Variants in SH3RF3 observed in about 807,000 individuals in gnomAD.
The protein encoded by SH3RF3 is SH3 domain containing ring finger 3, also known as E3 ubiquitin-protein ligase SH3RF3.
Under a neutral mutation model 66.3 loss-of-function variants are expected in SH3RF3, and 29 were observed. The ratio of observed to expected loss-of-function variants is 0.44; its 90% confidence interval spans 0.33 to 0.60. SH3RF3 has a LOEUF of 0.60. SH3RF3 is among the 20% of genes least tolerant of loss of function. SH3RF3 has a pLI of 0.04. For missense variants in SH3RF3, 1,194 were observed against 1,190.9 expected (o/e 1.00, Z -0.04); for synonymous variants, 583 against 532.0 (o/e 1.10, Z -1.32).
At chr2:109,401,605 C>T (rs1471677654) in intron 4 of SH3RF3, among the ~76,000 whole-genome samples, 1 of 152,216 alleles carries the variant, frequency 6.6e-6, no homozygotes, top group Non-Finnish European at 1.5e-5. Flanking sequence ...AAGGAGCCCA[C>T]AGGGCCCATG....
intron 1 of SH3RF3, among the ~76,000 whole-genome samples, chr2:109,287,710 C>G (rs1681062106): frequency 6.6e-6 from 1 of 152,200 alleles, no homozygotes; most frequent in Admixed American, 6.5e-5. Context: ...CAGATCTCAT[C>G]AGAGGCCCTC....
intron 1 of SH3RF3, among the ~76,000 whole-genome samples, chr2:109,142,713 G>A (rs1676987273): frequency 6.6e-6 from 1 of 152,164 alleles, no homozygotes; most frequent in Non-Finnish European, 1.5e-5. Flanking sequence ...TGTCGGGCCT[G>A]GGTTTATTTT....
At chr2:109,264,510 A>G (rs947800328) in intron 1 of SH3RF3, among the ~76,000 whole-genome samples, 3 of 152,392 alleles carry the variant, frequency 2.0e-5, no homozygotes, top group African/African-American at 7.2e-5. Context: ...TGCTCGATAG[A>G]TAGAAGATGG....
intron 1 of SH3RF3, among the ~76,000 whole-genome samples, chr2:109,315,974 T>C (rs1681869710): frequency 6.6e-6 from 1 of 152,202 alleles, no homozygotes; most frequent in Non-Finnish European, 1.5e-5. Flanking sequence ...AGAAGTCTTT[T>C]TGGTCTGACT....
chr2:109,190,348 A>G (rs1454678827), intron 1 of SH3RF3, among the ~76,000 whole-genome samples: 1 of 152,100 alleles, frequency 6.6e-6, no homozygotes. Context: ...TAATTTTTGT[A>G]CTTGTAGTAG....
At chr2:109,367,675 ACAATACTGTAATTTATTTAAC>A (rs956086875) in intron 2 of SH3RF3, among the ~76,000 whole-genome samples, 1 of 152,178 alleles carries the variant, frequency 6.6e-6, no homozygotes, top group African/African-American at 2.4e-5. Context: ...CATTGAATGC[ACAATACTGTAATTTATTTAAC>A]CAGTCCCCTT....
rs62152237 is a variant in SH3RF3, at chr2:109,342,984, C to T, written c.574-4690C>T. On this transcript the variant is annotated intron_variant, in intron 1 of 9. Transcript: ENST00000309415. ...TTAATGTCTTGAGCCCAAATAATGG[C>T]GGCTTAGTGACAATGTTTGAATGGA... Among the ~76,000 whole-genome samples the T allele has an allele frequency of 3.9e-3, 591 of 152,168 alleles. 1 individual carries two copies. Among genetic ancestry groups the T allele is most frequent in the Non-Finnish European group, 6.4e-3 (438 of 68,026 alleles).
intron 2 of SH3RF3, among the ~76,000 whole-genome samples, chr2:109,352,240 T>C: frequency 6.6e-6 from 1 of 152,228 alleles, no homozygotes. Flanking sequence ...AAAGTTGCAC[T>C]TCCGTCAGAT....
intron 1 of SH3RF3, among the ~76,000 whole-genome samples, chr2:109,157,782 A>G (rs1052813289): frequency 6.6e-6 from 1 of 152,178 alleles, no homozygotes; most frequent in Admixed American, 6.5e-5. Flanking sequence ...CTCATCATCC[A>G]GAGGGTAAAA....
intron 1 of SH3RF3, among the ~76,000 whole-genome samples, chr2:109,262,411 T>C (rs1680378499): frequency 6.6e-6 from 1 of 152,192 alleles, no homozygotes. Context: ...CAAACTCTGC[T>C]TTCGATGCCC....
chr2:109,398,960 C>T lies in SH3RF3; in HGVS notation c.1299+17C>T, dbSNP rs1481438514. Reference sequence around the variant, plus strand: ...CCCACCCAGGTAACATCCCGCGGGCCAGGGCAGGCATCCCTGGGTTCTCTG... The same window carrying T: ...CCCACCCAGGTAACATCCCGCGGGCTAGGGCAGGCATCCCTGGGTTCTCTG... On this transcript the variant is annotated intron_variant, in intron 4 of 9. Transcript: ENST00000309415. 1 of 1,598,916 alleles carries T rather than the reference C, an allele frequency of 6.3e-7. No individual in the cohort carries two copies. The highest frequency in any genetic ancestry group is 8.5e-7 in the Non-Finnish European group (1 of 1,174,062).
At chr2:109,188,010 C>G (rs1465831740) in intron 1 of SH3RF3, among the ~76,000 whole-genome samples, 1 of 152,188 alleles carries the variant, frequency 6.6e-6, no homozygotes, top group Non-Finnish European at 1.5e-5. Flanking sequence ...TGCCTCTGCT[C>G]CATCTCACCT....
intron 1 of SH3RF3, among the ~76,000 whole-genome samples, chr2:109,315,261 G>C (rs1266723010): frequency 1.3e-5 from 2 of 152,192 alleles, no homozygotes; most frequent in East Asian, 1.9e-4. Context: ...GCAGAAAGAC[G>C]TGCCCACTGG....
intron 1 of SH3RF3, among the ~76,000 whole-genome samples, chr2:109,174,597 G>A (rs961029083): frequency 2.6e-5 from 4 of 152,218 alleles, no homozygotes; most frequent in African/African-American, 7.2e-5. Context: ...TATGGTGTTC[G>A]TATCTAGGTG....
chr2:109,134,131 T>C (rs565420233), intron 1 of SH3RF3, among the ~76,000 whole-genome samples: 7 of 152,308 alleles, frequency 4.6e-5, no homozygotes, highest in African/African-American at 1.4e-4. Context: ...ATATATCACC[T>C]TATGGAAAGT....
rs866788682 is a variant in SH3RF3 at position 109,154,002 on chromosome 2, C to T, written c.573+23889C>T. 1.2e-4 allele frequency among the ~76,000 whole-genome samples: 18 copies of T among 152,288 alleles called. No individual in the cohort carries two copies. In the South Asian group the frequency reaches 2.1e-3, roughly 18 times the overall value. On this transcript the variant is annotated intron_variant, in intron 1 of 9. Coordinates refer to ENST00000309415, the MANE Select transcript of SH3RF3 (RefSeq NM_001099289.3). ...CCAAATTTGGGCGGCAGCCAAGTGA[C>T]CTGGTCAGTGATTCTGGTTGGTGGA...
intron 1 of SH3RF3, among the ~76,000 whole-genome samples, chr2:109,152,315 A>T (rs1266001185): frequency 6.6e-6 from 1 of 151,968 alleles, no homozygotes; most frequent in Non-Finnish European, 1.5e-5. Context: ...AGTTGTGGGG[A>T]ATGTGGGTGG....
chr2:109,236,865 C>T (rs536778680), intron 1 of SH3RF3, among the ~76,000 whole-genome samples: 8 of 152,270 alleles, frequency 5.3e-5, no homozygotes, highest in South Asian at 2.1e-4. Context: ...GGCTGTGAAA[C>T]GCTGCAGTGA....
At chr2:109,241,535 A>G (rs1679781791) in intron 1 of SH3RF3, among the ~76,000 whole-genome samples, 1 of 152,008 alleles carries the variant, frequency 6.6e-6, no homozygotes, top group South Asian at 2.1e-4. Context: ...ATTTATAACC[A>G]TCCGTCCTCC....
Sources: allele counts gnomAD v4.1 joint callset (sites outside exome capture counted in the v4.1 genomes callset), GRCh38; gene constraint gnomAD v4.1.1; transcripts MANE v1.5; gene names NCBI Gene and HGNC (gene_info 2026-07-23, HGNC 2026-07-21).